RAD51B: variants seen among roughly 807,000 people sequenced by gnomAD.
RAD51B encodes the protein DNA repair protein RAD51 homolog 2.
RAD51B carries 38 observed loss-of-function variants against 42.2 expected under a neutral mutation model. The ratio of observed to expected loss-of-function variants is 0.90; its 90% CI spans 0.70 to 1.18. The LOEUF (loss-of-function observed/expected upper bound fraction) is 1.18, where lower values mean the gene tolerates loss of function less well. Ranked by LOEUF, RAD51B falls within the 50% of genes most tolerant of loss-of-function variation. The probability of loss-of-function intolerance (pLI) is 0.00; values close to 1 mark genes in which losing one functional copy is unlikely to be tolerated. For missense variants in RAD51B, 373 were observed against 400.7 expected (o/e 0.93, Z 0.59); for synonymous variants, 154 against 145.2 (o/e 1.06, Z -0.43).
chr14:68,098,461 A>C (rs2077232538), intron 7 of RAD51B, among the ~76,000 whole-genome samples: 1 of 152,256 alleles, frequency 6.6e-6, no homozygotes, highest in Non-Finnish European at 1.5e-5. Flanking sequence ...GACTGGGTAG[A>C]AAAAGAGGTT....
At chr14:68,060,169 C>T (rs2076545428) in intron 7 of RAD51B, among the ~76,000 whole-genome samples, 1 of 152,158 alleles carries the variant, frequency 6.6e-6, no homozygotes, top group South Asian at 2.1e-4. Context: ...GTCAGTGTTT[C>T]TTAACACATT....
At chr14:68,481,020 C>A (rs1470636730), downstream of RAD51B, among the ~76,000 whole-genome samples, 1 of 152,198 alleles carries the variant, frequency 6.6e-6, no homozygotes, top group Admixed American at 6.5e-5. Flanking sequence ...CTTTTGAGAA[C>A]CCCTTCTTAG....
chr14:67,821,637 T>C (rs900300725), intron 1 of RAD51B, among the ~76,000 whole-genome samples: 36 of 152,194 alleles, frequency 2.4e-4, no homozygotes, highest in South Asian at 1.0e-3. Flanking sequence ...ATTTTTGTAT[T>C]TTTTTGTGGA....
intron 7 of RAD51B, among the ~76,000 whole-genome samples, chr14:68,267,044 T>C (rs1420791417): frequency 2.6e-5 from 4 of 152,214 alleles, no homozygotes; most frequent in African/African-American, 9.6e-5. Context: ...TCGAGCTCTC[T>C]CTAGGTGCTG....
chr14:68,289,384 CA>C (rs2139653435), intron 7 of RAD51B, among the ~76,000 whole-genome samples: 1 of 152,196 alleles, frequency 6.6e-6, no homozygotes, highest in East Asian at 1.9e-4. Flanking sequence ...AATTTGAACC[CA>C]GTTTTACTGA....
At chr14:68,383,174 A>T in intron 8 of RAD51B, among the ~76,000 whole-genome samples, 1 of 152,224 alleles carries the variant, frequency 6.6e-6, no homozygotes, top group East Asian at 1.9e-4. Context: ...TTTAAACAAC[A>T]TGAAAATATA....
At chr14:68,152,701 G>C (rs969024190) in intron 7 of RAD51B, among the ~76,000 whole-genome samples, 6 of 148,450 alleles carry the variant, frequency 4.0e-5, no homozygotes, top group Admixed American at 1.4e-4. Context: ...TCATTACCTA[G>C]GTACTAAGCT....
chr14:68,462,282 G>T (rs78663180), intron 9 of RAD51B, among the ~76,000 whole-genome samples: 2 of 152,130 alleles, frequency 1.3e-5, no homozygotes, highest in African/African-American at 4.8e-5. Flanking sequence ...AAAGCCCAAA[G>T]GCTTCCCTGT....
chr14:68,601,678 G>C (rs1054666024), intron 10 of RAD51B, among the ~76,000 whole-genome samples: 4 of 152,062 alleles, frequency 2.6e-5, no homozygotes, highest in African/African-American at 9.7e-5. Context: ...GTATTCTTCT[G>C]TTCTTTCATT....
At chr14:67,938,081 C>T (rs2045022345) in intron 7 of RAD51B, among the ~76,000 whole-genome samples, 2 of 152,098 alleles carry the variant, frequency 1.3e-5, no homozygotes, top group Admixed American at 1.3e-4. Flanking sequence ...CTGGCATGTG[C>T]TCCAGTGTGT....
intron 10 of RAD51B, among the ~76,000 whole-genome samples, chr14:68,564,999 C>G (rs945973201): frequency 6.6e-6 from 1 of 152,184 alleles, no homozygotes; most frequent in African/African-American, 2.4e-5. Flanking sequence ...TTCCAGCCTC[C>G]GGCCATAGGT....
At chr14:68,268,491 G>C (rs1007993572) in intron 7 of RAD51B, among the ~76,000 whole-genome samples, 1 of 152,134 alleles carries the variant, frequency 6.6e-6, no homozygotes, top group South Asian at 2.1e-4. Flanking sequence ...TGTCTTATAG[G>C]GGGTAATAGT....
At chr14:67,988,845 GTGGTTTGTAAAATATAGTTTGTAATGTA>G (rs1210105209) in intron 7 of RAD51B, among the ~76,000 whole-genome samples, 1 of 152,184 alleles carries the variant, frequency 6.6e-6, no homozygotes. Context: ...CTATTATAAT[GTGGTTTGTAAAATATAGTTTGTAATGTA>G]TAATAACTTC....
chr14:67,977,469 A>G (rs929115766), intron 7 of RAD51B, among the ~76,000 whole-genome samples: 1 of 152,240 alleles, frequency 6.6e-6, no homozygotes, highest in Non-Finnish European at 1.5e-5. Flanking sequence ...TGAACTATCA[A>G]AGCAAAACTT....
intron 8 of RAD51B, among the ~76,000 whole-genome samples, chr14:68,368,777 A>G (rs2083193458): frequency 6.6e-6 from 1 of 152,242 alleles, no homozygotes; most frequent in African/African-American, 2.4e-5. Context: ...AAAGTAGTAA[A>G]CACTCTGCTG....
At chr14:68,613,464 T>TC (rs1891750848), downstream of RAD51B, among the ~76,000 whole-genome samples, 1 of 151,200 alleles carries the variant, frequency 6.6e-6, no homozygotes, top group African/African-American at 2.4e-5. Context: ...TTTTCTTTTT[T>TC]TTTTTTTGAG....
chr14:68,145,810 A>G (rs1233573304), intron 7 of RAD51B, among the ~76,000 whole-genome samples: 2 of 152,256 alleles, frequency 1.3e-5, no homozygotes, highest in Admixed American at 6.5e-5. Context: ...AACTCACCCA[A>G]AGAAGACATT....
At chr14:68,005,628 G>A (rs1215551412) in intron 7 of RAD51B, among the ~76,000 whole-genome samples, 4 of 152,108 alleles carry the variant, frequency 2.6e-5, no homozygotes, top group Admixed American at 2.0e-4. Context: ...ACTCTAGTGG[G>A]TATATTGAAT....
chr14:68,499,134 G>A (rs944724508), intron 10 of RAD51B, among the ~76,000 whole-genome samples: 7 of 152,178 alleles, frequency 4.6e-5, no homozygotes, highest in African/African-American at 1.7e-4. Context: ...GGCTTTGCCA[G>A]AAGGGGGCTC....
Sources: gnomAD v4.1 joint callset for allele counts (sites outside exome capture counted in the v4.1 genomes callset) on GRCh38, gnomAD v4.1.1 for gene constraint, MANE v1.5 for transcripts, NCBI Gene and HGNC (gene_info 2026-07-23, HGNC 2026-07-21) for gene names.